The following PLD1 variants were observed in gnomAD, a reference collection of about 807,000 sequenced individuals.
PLD1 encodes the protein phospholipase D1.
PLD1 carries 112 observed loss-of-function variants against 137.1 expected under a neutral mutation model. The ratio of observed to expected loss-of-function variants is 0.82; its 90% CI spans 0.70 to 0.96. The LOEUF is 0.96. Ranked by LOEUF, PLD1 falls within the 40% of genes least tolerant of loss-of-function variation. PLD1 has a pLI of 0.00. For missense variants in PLD1, 1,321 were observed against 1,342.0 expected, an observed-to-expected ratio of 0.98 and a Z score of 0.24; for synonymous variants, 431 against 454.7, an observed-to-expected ratio of 0.95 and a Z score of 0.66.
intron 6 of PLD1, among the ~76,000 whole-genome samples, chr3:171,726,983 C>T (rs7610093): frequency 0.36 from 54,927 of 152,020 alleles, 11,039 homozygotes; most frequent in African/African-American, 0.52. Flanking sequence ...TGTTGTAGCA[C>T]GGAAATAGCC....
chr3:171,800,772 G>C (rs1325009292), intron 1 of PLD1, among the ~76,000 whole-genome samples: 3 of 152,138 alleles, frequency 2.0e-5, no homozygotes, highest in African/African-American at 7.2e-5. Context: ...TTGCAGATTT[G>C]GTGTCTGGTG....
intron 12 of PLD1, among the ~76,000 whole-genome samples, chr3:171,698,971 C>A: frequency 8.2e-6 from 1 of 121,334 alleles, no homozygotes. Context: ...AACAAAACCC[C>A]ATCTCAAAAA....
At chr3:171,743,795 T>C (rs1447757414) in intron 1 of PLD1, among the ~76,000 whole-genome samples, 1 of 152,158 alleles carries the variant, frequency 6.6e-6, no homozygotes. Flanking sequence ...GACACATCTG[T>C]CTTCCCACTA....
intron 1 of PLD1, among the ~76,000 whole-genome samples, chr3:171,753,323 A>G (rs770532860): frequency 6.6e-6 from 1 of 152,204 alleles, no homozygotes; most frequent in Non-Finnish European, 1.5e-5. Context: ...GGGTTGCATC[A>G]ATACTAACAA....
intron 19 of PLD1, among the ~76,000 whole-genome samples, chr3:171,662,550 C>T (rs768523519): frequency 4.6e-5 from 7 of 152,202 alleles, no homozygotes; most frequent in South Asian, 2.1e-4. Flanking sequence ...TTTCCTATGA[C>T]AGTCCCTCAA....
chr3:171,670,691 T>C (rs1466997221), intron 19 of PLD1, among the ~76,000 whole-genome samples: 2 of 152,242 alleles, frequency 1.3e-5, no homozygotes, highest in African/African-American at 4.8e-5. Flanking sequence ...TTTGTCCTAT[T>C]TATCACTGCC....
Position 171,612,295 on chromosome 3 carries a change from G to A in PLD1, c.2866C>T (p.Arg956Trp), listed in dbSNP as rs768898754. 7 of 1,613,918 alleles carry A rather than the reference G, an allele frequency of 4.3e-6. No individual in the cohort carries two copies. In the Admixed American group the frequency reaches 5.0e-5, roughly 12 times the overall value. The change falls in exon 25 of 27, where the codon CGG becomes TGG. Residue 956 changes from arginine to tryptophan, a missense_variant. Coordinates refer to ENST00000351298, the MANE Select transcript of PLD1 (RefSeq NM_002662.5). The surrounding 1 kb of genome is among the most constrained non-coding windows in gnomAD (Gnocchi z 4.1). ...YQAGRFARGLRLQCFRVVLGY... is the reference protein window; with the variant it reads ...YQAGRFARGLWLQCFRVVLGY... Reference sequence around the variant, plus strand: ...CGGACTGACCTAAAGCACTGTAGCCGAAGTCCTCGGGCAAACCGGCCAGCT... The same window carrying A: ...CGGACTGACCTAAAGCACTGTAGCCAAAGTCCTCGGGCAAACCGGCCAGCT...
intron 13 of PLD1, among the ~76,000 whole-genome samples, chr3:171,690,485 C>T (rs1427934180): frequency 4.6e-5 from 7 of 152,168 alleles, no homozygotes; most frequent in Non-Finnish European, 1.0e-4. Flanking sequence ...GCAAGTATAG[C>T]TGTAAATTTC....
chr3:171,752,336 C>T (rs1201708949), intron 1 of PLD1, among the ~76,000 whole-genome samples: 3 of 152,290 alleles, frequency 2.0e-5, no homozygotes, highest in Admixed American at 6.5e-5. Context: ...GGGAGGAGAA[C>T]GCAGTTAGCA....
At chr3:171,633,051 G>T (rs1002781307) in intron 23 of PLD1, among the ~76,000 whole-genome samples, 63 of 152,310 alleles carry the variant, frequency 4.1e-4, no homozygotes, top group African/African-American at 1.5e-3. Context: ...AAAGATAATG[G>T]TTCCTAGCCA....
chr3:171,774,821 T>A (rs1578458271), intron 1 of PLD1, among the ~76,000 whole-genome samples: 1 of 151,250 alleles, frequency 6.6e-6, no homozygotes, highest in South Asian at 2.1e-4. Flanking sequence ...GGGAGGAGGG[T>A]GGGGAGATGC....
At chr3:171,711,916 TAA>T (rs1448119260) in intron 9 of PLD1, among the ~76,000 whole-genome samples, 1 of 144,526 alleles carries the variant, frequency 6.9e-6, no homozygotes, top group Non-Finnish European at 1.5e-5. Flanking sequence ...GAGGGAAAAA[TAA>T]GTTATCCAAA....
chr3:171,605,978 A>G (rs1390032714), intron 25 of PLD1, among the ~76,000 whole-genome samples: 4 of 152,178 alleles, frequency 2.6e-5, no homozygotes. Context: ...AGTGCAGAGG[A>G]GTGACAGAAT....
chr3:171,683,124 T>C (rs960442909), intron 16 of PLD1, among the ~76,000 whole-genome samples: 1 of 152,182 alleles, frequency 6.6e-6, no homozygotes, highest in African/African-American at 2.4e-5. Flanking sequence ...TTTCAGTTCA[T>C]GGAAATTCCA....
At chr3:171,642,457 C>CAAAAAAAAAAAAAAA in intron 23 of PLD1, among the ~76,000 whole-genome samples, 1 of 33,028 alleles carries the variant, frequency 3.0e-5, no homozygotes, top group Non-Finnish European at 6.1e-5. Context: ...AACCCAGTCT[C>CAAAAAAAAAAAAAAA]AAAAAAAAAA....
intron 1 of PLD1, among the ~76,000 whole-genome samples, chr3:171,761,426 G>A (rs1011291518): frequency 6.6e-6 from 1 of 152,116 alleles, no homozygotes; most frequent in African/African-American, 2.4e-5. Context: ...ACACACGCTG[G>A]CATCTACCTC....
rs745401300 is a variant in PLD1 at position 171,612,270 on chromosome 3, C to T, written c.2882+9G>A. The T allele has an allele frequency of 1.2e-6, 2 of 1,612,784 alleles. No individual in the cohort carries two copies. The highest frequency in any genetic ancestry group is 1.7e-6 in the Non-Finnish European group (2 of 1,179,090). ...AATGCATCAGAGAGACACACTTTGGCGGACTGACCTAAAGCACTGTAGCCG... is the reference window on the plus strand; with the variant it reads ...AATGCATCAGAGAGACACACTTTGGTGGACTGACCTAAAGCACTGTAGCCG... On this transcript the variant is annotated intron_variant, in intron 25 of 26. Transcript: ENST00000351298. The surrounding 1 kb of genome is among the most constrained non-coding windows in gnomAD (Gnocchi z 4.1).
intron 23 of PLD1, among the ~76,000 whole-genome samples, chr3:171,639,583 C>CA (rs1553806048): frequency 3.0e-5 from 2 of 66,792 alleles, no homozygotes; most frequent in Non-Finnish European, 5.4e-5. Flanking sequence ...AATATATATT[C>CA]ATATAATATA....
At chr3:171,689,488 C>CTCCT (rs200165498) in intron 13 of PLD1, among the ~76,000 whole-genome samples, 27,077 of 149,634 alleles carry the variant, frequency 0.18, 2,481 homozygotes, top group South Asian at 0.24. Flanking sequence ...CCTTCCTTCC[C>CTCCT]TCCTTCCTTC....
Sources: gnomAD v4.1 joint callset for allele counts (sites outside exome capture counted in the v4.1 genomes callset) on GRCh38, gnomAD v4.1.1 for gene constraint, Gnocchi (gnomAD v3.1) non-coding constraint, MANE v1.5 for transcripts, NCBI Gene and HGNC (gene_info 2026-07-23, HGNC 2026-07-21) for gene names.